The following SYTL2 variants were observed in gnomAD, a reference collection of about 807,000 sequenced individuals.
SYTL2 encodes the protein synaptotagmin-like protein 2.
Under a neutral mutation model 198.7 loss-of-function variants are expected in SYTL2, and 165 were observed. The ratio of observed to expected loss-of-function variants is 0.83; its 90% CI spans 0.73 to 0.94. The LOEUF is 0.94. Ranked by LOEUF, SYTL2 falls within the 40% of genes least tolerant of loss-of-function variation. The pLI is 0.00. For missense variants in SYTL2, 2,835 were observed against 2,582.8 expected, an observed-to-expected ratio of 1.10 and a Z score of -2.12; for synonymous variants, 966 against 917.7, an observed-to-expected ratio of 1.05 and a Z score of -0.95.
chr11:85,729,133 T>C (rs1456287116), intron 7 of SYTL2, among the ~76,000 whole-genome samples: 3 of 152,156 alleles, frequency 2.0e-5, no homozygotes, highest in Non-Finnish European at 4.4e-5. Context: ...TCCCACACAG[T>C]AATAGTGGGA....
At position 85,736,566 on chromosome 11, in the gene SYTL2, G is replaced by A; in HGVS notation, c.521C>T (p.Ser174Leu). The part of the protein sequence containing the change: ...NSSKLPEGHS[S>L]QQTKNEQSKN... ...TGACTGTTCATTTTTAGTTTGTTGT[G>A]ATGAGTGACCTTCTGGCAACTTGGA... Residue 174 changes from serine to leucine, a missense_variant, in exon 6 of 20, where the codon TCA (serine) becomes TTA (leucine). Physicochemically the swap from Ser to Leu is moderately radical, Grantham distance 145. Coordinates refer to ENST00000359152, the MANE Select transcript of SYTL2 (RefSeq NM_206927.4). 1 of 1,609,048 alleles carries A rather than the reference G, an allele frequency of 6.2e-7. No homozygotes were observed. The highest frequency in any genetic ancestry group is 8.5e-7 in the Non-Finnish European group (1 of 1,176,316).
chr11:85,761,588 C>T (rs1358044451), intron 1 of SYTL2, among the ~76,000 whole-genome samples: 1 of 152,204 alleles, frequency 6.6e-6, no homozygotes, highest in African/African-American at 2.4e-5. Context: ...AGGCAGCAAA[C>T]ATTTACTTGG....
At position 85,696,326 on chromosome 11, in the gene SYTL2, G is replaced by A; in HGVS notation, c.6431C>T (p.Thr2144Ile). ...RQKTRAVGKT[T>I]NPIFNHTMVY... ...CATAGTGTGGTTGAAGATAGGGTTGGTGGTTTTCCCTACAGCTCTTGTCTT... is the reference window on the plus strand; with the variant it reads ...CATAGTGTGGTTGAAGATAGGGTTGATGGTTTTCCCTACAGCTCTTGTCTT... Residue 2144 changes from threonine (T) to isoleucine (I), a missense_variant, in exon 19 of 20, where the codon ACC (threonine) becomes ATC (isoleucine). Coordinates refer to ENST00000359152, the MANE Select transcript of SYTL2 (RefSeq NM_206927.4). 1.2e-6 allele frequency: 2 copies of A among 1,614,046 alleles called. No homozygotes were observed. The highest frequency in any genetic ancestry group is 2.2e-5 in the East Asian group (1 of 44,876).
chr11:85,737,409 GAGTGACTTCTTAAACT>G (rs1466450195), intron 5 of SYTL2, among the ~76,000 whole-genome samples, 150 bp downstream of exon 5: 5 of 152,200 alleles, frequency 3.3e-5, no homozygotes, highest in Non-Finnish European at 5.9e-5. Flanking sequence ...TCCACCATGA[GAGTGACTTCTTAAACT>G]AGTGACTTCT....
intron 14 of SYTL2, 44 bp downstream of exon 14, chr11:85,709,287 G>A: frequency 6.3e-7 from 1 of 1,582,852 alleles, no homozygotes; most frequent in Non-Finnish European, 8.7e-7. Context: ...AAGATTGACA[G>A]TTGGAGAACT....
intron 11 of SYTL2, 49 bp downstream of exon 11, chr11:85,717,434 A>G: frequency 6.7e-7 from 1 of 1,489,050 alleles, no homozygotes; most frequent in Non-Finnish European, 9.4e-7. Flanking sequence ...TATATTTAAT[A>G]TGTAAAGTGG....
At chr11:85,800,461 T>C (rs2092869614) in intron 1 of SYTL2, among the ~76,000 whole-genome samples, 1 of 138,730 alleles carries the variant, frequency 7.2e-6, no homozygotes, top group African/African-American at 2.8e-5. Context: ...TATTTTTCTG[T>C]AGAGATGGGG....
intron 17 of SYTL2, among the ~76,000 whole-genome samples, chr11:85,698,411 T>C (rs1378219125): frequency 6.6e-6 from 1 of 152,260 alleles, no homozygotes; most frequent in Non-Finnish European, 1.5e-5. Flanking sequence ...AACATTTCAA[T>C]GAAATGCATA....
intron 1 of SYTL2, among the ~76,000 whole-genome samples, chr11:85,764,969 C>T (rs1399287617): frequency 2.0e-5 from 3 of 152,162 alleles, no homozygotes; most frequent in South Asian, 2.1e-4. Context: ...ACTTTGTCCA[C>T]GCACAGGTGG....
At position 85,698,828 on chromosome 11, in the gene SYTL2, C is replaced by T. The variant is rs1244603930; in HGVS notation, c.6269-750G>A. Among the ~76,000 whole-genome samples the T allele has an allele frequency of 3.3e-5, 5 of 152,318 alleles. No homozygotes were observed. The East Asian group carries it at 9.6e-4, about 29-fold the overall frequency. On this transcript the variant is annotated intron_variant, in intron 17 of 19. Transcript: ENST00000359152. Reference sequence around the variant, plus strand: ...TGTTGGGATTACAGGCGTGAGCCACCACCCCCAGTCAAGAGTGGTTAAACA... The same window carrying T: ...TGTTGGGATTACAGGCGTGAGCCACTACCCCCAGTCAAGAGTGGTTAAACA...
rs1313167598 is a variant in SYTL2, at chr11:85,726,598, C to G, written c.2760G>C (p.Leu920Phe). 2 of 1,558,942 alleles carry G rather than the reference C, an allele frequency of 1.3e-6. No homozygotes were observed. Among genetic ancestry groups the G allele is most frequent in the African/African-American group, 2.7e-5 (2 of 73,790 alleles). ...GTAAAGTAATGTTTCTTCTAGAAGG[C>G]AAACTGTCTGCCACTTGTGATCTTT... The part of the protein sequence containing the change: ...PIKRSQVADS[L>F]PSRRNITLPA... Residue 920 changes from leucine (L) to phenylalanine (F), a missense_variant, in exon 8 of 20, where the codon TTG becomes TTC. Coordinates refer to ENST00000359152, the MANE Select transcript of SYTL2 (RefSeq NM_206927.4).
chr11:85,744,884 C>G (rs921856816), intron 4 of SYTL2, among the ~76,000 whole-genome samples: 1 of 152,128 alleles, frequency 6.6e-6, no homozygotes, highest in African/African-American at 2.4e-5. Flanking sequence ...CATTATGGCT[C>G]AAAAGGTTTA....
intron 1 of SYTL2, among the ~76,000 whole-genome samples, chr11:85,797,062 G>A (rs1311744882): frequency 6.6e-6 from 1 of 152,098 alleles, no homozygotes; most frequent in East Asian, 1.9e-4. Context: ...GCAGTGGCAT[G>A]CACCTGTAGT....
In SYTL2 at chr11:85,697,960, G is replaced by A. The variant is rs958075124; in HGVS notation, c.6368+19C>T. The A allele has an allele frequency of 6.6e-7, 1 of 1,522,438 alleles. No homozygotes were observed. Among genetic ancestry groups the A allele is most frequent in the Non-Finnish European group, 9.1e-7 (1 of 1,097,228 alleles). The allele number at this position is 1,522,438 out of a possible 1,614,324, so 94.3% of individuals were successfully genotyped here. A position where few individuals can be genotyped will look rare whatever the true frequency, so the allele number is the denominator to read the frequency against. On this transcript the variant is annotated intron_variant, in intron 18 of 19. Coordinates refer to ENST00000359152, the MANE Select transcript of SYTL2 (RefSeq NM_206927.4). ...CCAGGCTACAGAACTGTTGCAGACA[G>A]AGTCATCAATACTATTACCATTTAA...
Position 85,724,176 on chromosome 11 carries a change from A to G in SYTL2, c.5182T>C (p.Ser1728Pro), listed in dbSNP as rs1204464505. 1.2e-6 allele frequency: 2 copies of G among 1,604,034 alleles called. No individual in the cohort carries two copies. Among genetic ancestry groups the G allele is most frequent in the Non-Finnish European group, 1.7e-6 (2 of 1,177,546 alleles). The change falls in exon 8 of 20, where the codon TCT becomes CCT. Residue 1728 changes from serine to proline, a missense_variant. Ser to Pro is a moderately conservative substitution (Grantham distance 74). Around this residue, in one of 3 missense-constraint regions of SYTL2, gnomAD observed 2,645 missense variants for 2,381.7 expected, o/e 1.11. Coordinates refer to ENST00000359152, the MANE Select transcript of SYTL2 (RefSeq NM_206927.4). ...PIPLLMNKENSTKTSKVELTL... is the reference protein window; with the variant it reads ...PIPLLMNKENPTKTSKVELTL... ...AATTCAACTTTACTTGTTTTTGTAGAGTTTTCTTTGTTCATCAGGAGAGGA... is the reference window on the plus strand; with the variant it reads ...AATTCAACTTTACTTGTTTTTGTAGGGTTTTCTTTGTTCATCAGGAGAGGA...
At chr11:85,743,250 T>C (rs908356808) in intron 4 of SYTL2, among the ~76,000 whole-genome samples, 3 of 152,190 alleles carry the variant, frequency 2.0e-5, no homozygotes, top group African/African-American at 4.8e-5. Flanking sequence ...GGTTAAAGTA[T>C]AGGTAAGAAA....
intron 1 of SYTL2, among the ~76,000 whole-genome samples, chr11:85,778,762 A>G (rs2092504555): frequency 6.6e-6 from 1 of 152,214 alleles, no homozygotes; most frequent in Non-Finnish European, 1.5e-5. Flanking sequence ...GGATCACTTA[A>G]GCTCACAAGT....
At chr11:85,801,780 T>C (rs931898698) in intron 1 of SYTL2, among the ~76,000 whole-genome samples, 2 of 152,034 alleles carry the variant, frequency 1.3e-5, no homozygotes, top group African/African-American at 4.8e-5. Context: ...CCAACCATAA[T>C]TTACCTGTCC....
At chr11:85,849,579 C>A in the SYTL2 span, among the ~76,000 whole-genome samples, 2 of 151,640 alleles carry the variant, frequency 1.3e-5, no homozygotes, top group Non-Finnish European at 2.9e-5. Context: ...TCAGGTTTGT[C>A]AAAGATCAGA....
Sources: allele counts gnomAD v4.1 joint callset (sites outside exome capture counted in the v4.1 genomes callset), GRCh38; gene constraint gnomAD v4.1.1; regional missense constraint gnomAD v4.1.1; transcripts MANE v1.5; gene names NCBI Gene and HGNC (gene_info 2026-07-23, HGNC 2026-07-21).